ANKS1B: variants seen among roughly 807,000 people sequenced by gnomAD.
ANKS1B encodes the protein ankyrin repeat and sterile alpha motif domain-containing protein 1B.
Under a neutral mutation model 148.3 loss-of-function variants are expected in ANKS1B, and 36 were observed. The observed-to-expected ratio is 0.24, with a 90% CI of 0.19 to 0.32. The LOEUF is 0.32. ANKS1B is among the 10% of genes least tolerant of loss of function. ANKS1B has a pLI of 1.00. For synonymous variants in ANKS1B, 542 were observed against 560.8 expected (o/e 0.97, Z 0.47); for missense variants, 1,157 against 1,542.6 (o/e 0.75, Z 4.19).
rs115786739 is a variant in ANKS1B, at chr12:99,122,281, T to G, written c.2526+32008A>C. On this transcript the variant is annotated intron_variant, in intron 15 of 26. Coordinates refer to ENST00000683438, the MANE Select transcript of ANKS1B (RefSeq NM_001352186.2). ...ACTAAAAATATTAATTAAGAGTATG[T>G]TGAATAGAAGAATTTGGAAAAGAAA... Among the ~76,000 whole-genome samples the G allele has an allele frequency of 9.8e-3, 1,496 of 152,314 alleles. 24 individuals carry two copies. Among genetic ancestry groups the G allele is most frequent in the African/African-American group, 0.034 (1,416 of 41,560 alleles).
At chr12:99,837,211 G>C (rs2084993516) in intron 1 of ANKS1B, among the ~76,000 whole-genome samples, 1 of 152,104 alleles carries the variant, frequency 6.6e-6, no homozygotes, top group Non-Finnish European at 1.5e-5. Context: ...CTAGTAGCTG[G>C]AAAAGGCAAG....
intron 8 of ANKS1B, among the ~76,000 whole-genome samples, chr12:99,674,397 A>G (rs2098552366): frequency 6.6e-6 from 1 of 151,846 alleles, no homozygotes; most frequent in Admixed American, 6.6e-5. Flanking sequence ...CTGGACCTGC[A>G]AGGAAAGATG....
chr12:99,638,102 T>G (rs2098260548), intron 9 of ANKS1B, among the ~76,000 whole-genome samples: 1 of 152,120 alleles, frequency 6.6e-6, no homozygotes, highest in Non-Finnish European at 1.5e-5. Context: ...AAGAACATAT[T>G]TGTTTCCCTT....
chr12:99,359,306 C>T (rs944522603), intron 12 of ANKS1B, among the ~76,000 whole-genome samples: 5 of 152,054 alleles, frequency 3.3e-5, no homozygotes, highest in African/African-American at 1.2e-4. Flanking sequence ...CATTTTCCTA[C>T]CTTTCTCTCT....
chr12:99,007,895 T>C (rs990109002), intron 17 of ANKS1B, among the ~76,000 whole-genome samples: 2 of 151,762 alleles, frequency 1.3e-5, no homozygotes, highest in African/African-American at 4.8e-5. Context: ...CTTAGGGACA[T>C]GATGGGTTCT....
chr12:98,756,556 C>CAA (rs536086383), intron 25 of ANKS1B, among the ~76,000 whole-genome samples: 1,297 of 104,522 alleles, frequency 0.012, 12 homozygotes, highest in East Asian at 0.035. Context: ...ACTAAAAATA[C>CAA]AAAAAAAAAA....
intron 12 of ANKS1B, among the ~76,000 whole-genome samples, chr12:99,386,935 CA>C (rs1567004111): frequency 6.6e-6 from 1 of 152,176 alleles, no homozygotes; most frequent in African/African-American, 2.4e-5. Context: ...AGAATCCCAG[CA>C]AAGCAAATAT....
At chr12:99,496,736 T>G (rs2096608208) in intron 10 of ANKS1B, among the ~76,000 whole-genome samples, 1 of 152,122 alleles carries the variant, frequency 6.6e-6, no homozygotes, top group Non-Finnish European at 1.5e-5. Flanking sequence ...TTTTTTTTCC[T>G]GTGGTCAGGA....
intron 4 of ANKS1B, among the ~76,000 whole-genome samples, chr12:99,789,686 C>G (rs1325837337): frequency 6.6e-6 from 1 of 151,558 alleles, no homozygotes; most frequent in Non-Finnish European, 1.5e-5. Context: ...GCATTAGAGT[C>G]TCTTAAGAGC....
At chr12:99,305,933 G>A (rs1321898554) in intron 12 of ANKS1B, among the ~76,000 whole-genome samples, 1 of 152,064 alleles carries the variant, frequency 6.6e-6, no homozygotes, top group East Asian at 1.9e-4. Context: ...CTCCCTTGTT[G>A]AACTGAAATC....
chr12:99,125,411 T>G (rs1325710502), intron 15 of ANKS1B, among the ~76,000 whole-genome samples: 1 of 152,174 alleles, frequency 6.6e-6, no homozygotes, highest in Non-Finnish European at 1.5e-5. Flanking sequence ...GTGATGGTAA[T>G]GTCAGAGAAA....
chr12:99,851,347 T>C (rs750863368), intron 1 of ANKS1B, among the ~76,000 whole-genome samples: 1 of 152,104 alleles, frequency 6.6e-6, no homozygotes, highest in Non-Finnish European at 1.5e-5. Context: ...GTTCAACTCT[T>C]CCTAATTAAG....
chr12:99,236,342 G>T (rs1355452998), intron 14 of ANKS1B, among the ~76,000 whole-genome samples: 1 of 152,206 alleles, frequency 6.6e-6, no homozygotes, highest in African/African-American at 2.4e-5. Context: ...ATAAAGAAAA[G>T]AGGTTTAACT....
chr12:99,286,681 C>T lies in ANKS1B; in HGVS notation c.1757-39817G>A, dbSNP rs923268381. On this transcript the variant is annotated intron_variant, in intron 12 of 26. Coordinates refer to ENST00000683438, the MANE Select transcript of ANKS1B (RefSeq NM_001352186.2). Reference sequence around the variant, plus strand: ...TGGGCCAGAGTGAAGACTACTGTTCCGAAGGGAGAGATCCAGGCCTGGCAG... The same window carrying T: ...TGGGCCAGAGTGAAGACTACTGTTCTGAAGGGAGAGATCCAGGCCTGGCAG... 1.1e-4 allele frequency among the ~76,000 whole-genome samples: 16 copies of T among 152,018 alleles called. 1 individual carries two copies. The highest frequency in any genetic ancestry group is 4.6e-4 in the Admixed American group (7 of 15,250).
At chr12:98,934,562 T>C (rs769429920) in intron 17 of ANKS1B, among the ~76,000 whole-genome samples, 2 of 152,186 alleles carry the variant, frequency 1.3e-5, no homozygotes, top group Non-Finnish European at 2.9e-5. Context: ...TTGAGAAGTA[T>C]GAACATTTCA....
intron 9 of ANKS1B, among the ~76,000 whole-genome samples, chr12:99,573,897 CA>C (rs34321577): frequency 0.016 from 2,366 of 151,110 alleles, 71 homozygotes; most frequent in African/African-American, 0.049. Flanking sequence ...CTTCGCTACT[CA>C]AAAAAAAAAT....
chr12:99,808,432 C>G (rs1006303778), intron 3 of ANKS1B, among the ~76,000 whole-genome samples: 6 of 151,980 alleles, frequency 3.9e-5, no homozygotes, highest in African/African-American at 9.7e-5. Context: ...AAGGTCAAAC[C>G]CACAGGGAAA....
chr12:99,551,143 A>G (rs912667103), intron 9 of ANKS1B, among the ~76,000 whole-genome samples: 2 of 152,186 alleles, frequency 1.3e-5, no homozygotes, highest in African/African-American at 4.8e-5. Context: ...TAGCACTTTC[A>G]GTAGTGTAAA....
chr12:99,557,623 T>C (rs901253988), intron 9 of ANKS1B, among the ~76,000 whole-genome samples: 3 of 152,244 alleles, frequency 2.0e-5, no homozygotes, highest in African/African-American at 7.2e-5. Context: ...TGAATCTTGA[T>C]GATTTTTGCT....
Sources: allele counts gnomAD v4.1 joint callset (sites outside exome capture counted in the v4.1 genomes callset), GRCh38; gene constraint gnomAD v4.1.1; transcripts MANE v1.5; gene names NCBI Gene and HGNC (gene_info 2026-07-23, HGNC 2026-07-21).